Variants in SLC5A11 observed in about 807,000 individuals in gnomAD.
The protein encoded by SLC5A11 is solute carrier family 5 member 11.
SLC5A11 carries 48 observed loss-of-function variants against 69.8 expected under a neutral mutation model. That is an observed-to-expected ratio of 0.69 (90% CI 0.55 to 0.87). SLC5A11 has a LOEUF of 0.87. Among genes scored for constraint, SLC5A11 ranks in the 40% least tolerant of loss-of-function variants. The pLI is 0.00. For missense variants in SLC5A11, 784 were observed against 866.1 expected, an observed-to-expected ratio of 0.91 and a Z score of 1.19; for synonymous variants, 319 against 342.4, an observed-to-expected ratio of 0.93 and a Z score of 0.75.
At chr16:24,871,495 A>G (rs921396317) in intron 4 of SLC5A11, among the ~76,000 whole-genome samples, 12 of 151,536 alleles carry the variant, frequency 7.9e-5, no homozygotes, top group African/African-American at 2.9e-4. Flanking sequence ...TTGGTCTTAA[A>G]CTCCTGGGTG....
chr16:24,851,573 G>T (rs993496578), intron 1 of SLC5A11, among the ~76,000 whole-genome samples: 11 of 151,862 alleles, frequency 7.2e-5, no homozygotes, highest in African/African-American at 2.7e-4. Context: ...CAAAACTCCT[G>T]GGCTCAAGCA....
In SLC5A11 at chr16:24,906,783, T is replaced by C. The variant is rs542847543; in HGVS notation, c.1114+19T>C. The C allele has an allele frequency of 1.9e-6, 3 of 1,592,954 alleles. No homozygotes were observed. In the East Asian group the frequency reaches 6.7e-5, roughly 36 times the overall value. ...CCCACAGGTAATGTCCCTTCACTCCTGAATCAAGTCCCCTGGAGCACCCAG... is the reference window on the plus strand; with the variant it reads ...CCCACAGGTAATGTCCCTTCACTCCCGAATCAAGTCCCCTGGAGCACCCAG... On this transcript the variant is annotated intron_variant, in intron 11 of 15. Transcript: ENST00000347898.
In SLC5A11 at chr16:24,871,938, C is replaced by T. The variant is rs115026169; in HGVS notation, c.313-222C>T. On this transcript the variant is annotated intron_variant, in intron 4 of 15. Coordinates refer to ENST00000347898, the Ensembl canonical transcript of SLC5A11. ...GTTTAGGAGACACAGAACTAGGAAGCATCGCAAAGGCCTTCTTTTTCCACT... is the reference window on the plus strand; with the variant it reads ...GTTTAGGAGACACAGAACTAGGAAGTATCGCAAAGGCCTTCTTTTTCCACT... Among the ~76,000 whole-genome samples, 1,363 of 152,250 alleles carry T rather than the reference C, an allele frequency of 9.0e-3. 28 individuals are homozygous for T. Among genetic ancestry groups the T allele is most frequent in the African/African-American group, 0.031 (1,303 of 41,546 alleles).
intron 9 of SLC5A11, among the ~76,000 whole-genome samples, chr16:24,896,935 C>A (rs948376588): frequency 2.0e-4 from 29 of 148,398 alleles, no homozygotes; most frequent in Non-Finnish European, 3.9e-4. Flanking sequence ...GTTAGACAAC[C>A]TCCTTCCTTT....
intron 7 of SLC5A11, among the ~76,000 whole-genome samples, chr16:24,882,139 T>C (rs1044792165): frequency 6.6e-6 from 1 of 152,128 alleles, no homozygotes; most frequent in African/African-American, 2.4e-5. Flanking sequence ...GTAGACTCTA[T>C]GAGGGCAGGG....
intron 7 of SLC5A11, among the ~76,000 whole-genome samples, chr16:24,882,169 C>G (rs1053391870): frequency 6.6e-6 from 1 of 152,074 alleles, no homozygotes; most frequent in Non-Finnish European, 1.5e-5. Flanking sequence ...TTTTGTTGGC[C>G]TCTGCATCCC....
At chr16:24,892,369 A>T (rs1182954167) in intron 9 of SLC5A11, among the ~76,000 whole-genome samples, 1 of 151,900 alleles carries the variant, frequency 6.6e-6, no homozygotes, top group Non-Finnish European at 1.5e-5. Flanking sequence ...AGCGAGGCAG[A>T]TACATAACTG....
chr16:24,870,930 AG>A (rs1340490014), intron 4 of SLC5A11, among the ~76,000 whole-genome samples: 1 of 152,030 alleles, frequency 6.6e-6, no homozygotes, highest in African/African-American at 2.4e-5. Flanking sequence ...ACAGCTCAGT[AG>A]TTTTTGACTT....
At chr16:24,907,836 T>G (rs1233348281) in intron 12 of SLC5A11, 127 bp from the exon 14 acceptor site, 3 of 1,216,886 alleles carry the variant, frequency 2.5e-6, no homozygotes, top group East Asian at 2.4e-5. Flanking sequence ...CAGTGAGCTA[T>G]GCTCTCACCA....
chr16:24,897,873 T>C (rs2049291080), intron 9 of SLC5A11, 101 bp from the exon 11 acceptor site: 1 of 1,462,264 alleles, frequency 6.8e-7, no homozygotes, highest in African/African-American at 1.4e-5. Flanking sequence ...TCCCACAACA[T>C]GTGGGAATTA....
intron 1 of SLC5A11, among the ~76,000 whole-genome samples, chr16:24,849,056 G>T (rs2059150871): frequency 6.6e-6 from 1 of 152,154 alleles, no homozygotes; most frequent in East Asian, 1.9e-4. Flanking sequence ...GGCACTCTTG[G>T]TGCTTAGATG....
chr16:24,876,185 G>C (rs555554196), intron 6 of SLC5A11, among the ~76,000 whole-genome samples: 11 of 149,014 alleles, frequency 7.4e-5, no homozygotes, highest in Non-Finnish European at 1.6e-4. Flanking sequence ...GAAAGAGCGA[G>C]ACTCTGTGTC....
exon 14 of SLC5A11, chr16:24,909,014 A>G (rs780012227): frequency 2.2e-5 from 36 of 1,613,796 alleles, no homozygotes; most frequent in Non-Finnish European, 1.9e-5. Flanking sequence ...CACTACCTCT[A>G]CTTCTCCATG....
chr16:24,880,168 G>GA (rs932231769), intron 7 of SLC5A11, among the ~76,000 whole-genome samples: 45 of 147,500 alleles, frequency 3.1e-4, no homozygotes, highest in East Asian at 9.9e-4. Flanking sequence ...GATAATTTAT[G>GA]AAAAAAAAAA....
intron 14 of SLC5A11, 59 bp downstream of exon 15, chr16:24,909,155 T>C (rs2050308320): frequency 6.5e-7 from 1 of 1,541,532 alleles, no homozygotes; most frequent in Non-Finnish European, 8.9e-7. Context: ...GACAGAAAAC[T>C]GACTCAAACT....
Position 24,870,442 on chromosome 16 carries a change from A to C in SLC5A11, c.312+437A>C, listed in dbSNP as rs1418544877. Among the ~76,000 whole-genome samples, 1,269 of 140,608 alleles carry C rather than the reference A, an allele frequency of 9.0e-3. 20 individuals are homozygous for C. Among genetic ancestry groups the C allele is most frequent in the African/African-American group, 0.031 (1,181 of 38,076 alleles). The allele number at this position is 140,608 out of a possible 152,430, so 92.2% of individuals were successfully genotyped here. A position where few individuals can be genotyped will look rare whatever the true frequency, so the allele number is the denominator to read the frequency against. On this transcript the variant is annotated intron_variant, in intron 4 of 15. Transcript: ENST00000347898. The stretch of plus-strand genomic sequence containing the variant: ...AAACAAAACAAAAAAAACAAAAAAA[A>C]ACACACACACACACACACACACAAA...
chr16:24,877,375 C>A lies in SLC5A11; in HGVS notation c.583+12C>A. 6.9e-6 allele frequency: 11 copies of A among 1,603,432 alleles called. No individual in the cohort carries two copies. The highest frequency in any genetic ancestry group is 9.4e-6 in the Non-Finnish European group (11 of 1,170,776). Reference sequence around the variant, plus strand: ...ATACACGGTTGCTGGTAAGACTGAACAAAGGGTAACACCTAGCAGAGGCAG... The same window carrying A: ...ATACACGGTTGCTGGTAAGACTGAAAAAAGGGTAACACCTAGCAGAGGCAG... On this transcript the variant is annotated intron_variant, in intron 7 of 15. Transcript: ENST00000347898.
chr16:24,901,952 A>ACACG (rs760160739), intron 10 of SLC5A11, among the ~76,000 whole-genome samples: 17 of 133,488 alleles, frequency 1.3e-4, no homozygotes, highest in African/African-American at 3.2e-4. Context: ...ACACACACAC[A>ACACG]CACACGCACA....
chr16:24,852,524 G>A lies in SLC5A11; in HGVS notation c.-25+6086G>A, dbSNP rs151134443. On this transcript the variant is annotated intron_variant, in intron 1 of 15. Coordinates refer to ENST00000347898, the Ensembl canonical transcript of SLC5A11. ...ACAAGCTGCCGTGAATCCTCCCCGCGGGCACAGGGAGGGTTCTTCACAAGA... is the reference window on the plus strand; with the variant it reads ...ACAAGCTGCCGTGAATCCTCCCCGCAGGCACAGGGAGGGTTCTTCACAAGA... Among the ~76,000 whole-genome samples the A allele has an allele frequency of 5.3e-5, 8 of 152,130 alleles. 1 individual carries two copies. The highest frequency in any genetic ancestry group is 3.9e-4 in the East Asian group (2 of 5,174).
Sources: gnomAD v4.1 joint callset for allele counts (sites outside exome capture counted in the v4.1 genomes callset) on GRCh38, gnomAD v4.1.1 for gene constraint, MANE v1.5 for transcripts, NCBI Gene and HGNC (gene_info 2026-07-23, HGNC 2026-07-21) for gene names.